The following ZNF83 variants were observed in gnomAD, a reference collection of about 807,000 sequenced individuals.
ZNF83 encodes the protein zinc finger protein 83.
For synonymous variants in ZNF83, 209 were observed against 213.0 expected, an observed-to-expected ratio of 0.98 and a Z score of 0.17; for missense variants, 552 against 629.9, an observed-to-expected ratio of 0.88 and a Z score of 1.32.
exon 1 of ZNF83, chr19:52,690,444 G>T: frequency 5.4e-6 from 1 of 184,536 alleles, no homozygotes; most frequent in South Asian, 8.4e-5. Flanking sequence ...GAAACTCACC[G>T]CCGCGGTGTG....
chr19:52,665,949 A>T (rs376456443), intron 1 of ZNF83, among the ~76,000 whole-genome samples: 6 of 151,916 alleles, frequency 3.9e-5, no homozygotes, highest in African/African-American at 1.5e-4. Context: ...TCACGAGGTC[A>T]GGAGATTGAG....
intron 2 of ZNF83, among the ~76,000 whole-genome samples, chr19:52,627,916 TC>T (rs1270416119): frequency 5.3e-5 from 8 of 152,118 alleles, no homozygotes; most frequent in South Asian, 2.1e-4. Context: ...AATGGCCTGT[TC>T]CTGCCTTAAC....
chr19:52,678,939 C>T (rs1002109922), intron 1 of ZNF83, among the ~76,000 whole-genome samples: 3 of 150,068 alleles, frequency 2.0e-5, no homozygotes, highest in African/African-American at 7.4e-5. Context: ...CACACAACTG[C>T]CTCCACCCTG....
chr19:52,670,832 A>C (rs565569135), intron 1 of ZNF83, among the ~76,000 whole-genome samples: 25 of 152,294 alleles, frequency 1.6e-4, no homozygotes, highest in African/African-American at 4.8e-4. Context: ...AAATTTAAAC[A>C]TTTTCTGATT....
intron 3 of ZNF83, among the ~76,000 whole-genome samples, chr19:52,648,647 G>A (rs930627661): frequency 1.6e-4 from 25 of 152,072 alleles, no homozygotes; most frequent in African/African-American, 6.0e-4. Context: ...CTGTAATCTT[G>A]TTCAGTCCCG....
intron 2 of ZNF83, chr19:52,616,790 C>G (rs536780311): frequency 6.6e-6 from 1 of 152,306 alleles, no homozygotes; most frequent in South Asian, 2.1e-4. Context: ...TGGTGGTGAG[C>G]CGAGATTGTG....
At chr19:52,654,223 C>A in intron 3 of ZNF83, 1 of 1,584,712 alleles carries the variant, frequency 6.3e-7, no homozygotes. Flanking sequence ...TGCTTCATGG[C>A]CATTTCTTTT....
chr19:52,673,345 A>T (rs1393361370), intron 1 of ZNF83, among the ~76,000 whole-genome samples: 5 of 152,180 alleles, frequency 3.3e-5, no homozygotes, highest in African/African-American at 9.7e-5. Flanking sequence ...TCTCTAAAAA[A>T]ATACAAAATT....
chr19:52,652,859 T>C lies in ZNF83; in HGVS notation c.-74+2702A>G. ...CTATGATGGCATACAAAGGATGACATATGACTGAAGGTCTTGCCACACTCA... is the reference window on the plus strand; with the variant it reads ...CTATGATGGCATACAAAGGATGACACATGACTGAAGGTCTTGCCACACTCA... On this transcript the variant is annotated intron_variant, in intron 3 of 5. Coordinates refer to the ZNF83 transcript ENST00000594682. 6.0e-6 allele frequency: 6 copies of C among 991,960 alleles called. No individual in the cohort carries two copies. The South Asian group carries it at 7.7e-5, about 13-fold the overall frequency. The allele number at this position is 991,960 out of a possible 1,614,324, so 61.4% of individuals were successfully genotyped here.
chr19:52,616,379 T>A (rs770980097), intron 2 of ZNF83, among the ~76,000 whole-genome samples: 1 of 152,208 alleles, frequency 6.6e-6, no homozygotes, highest in Non-Finnish European at 1.5e-5. Flanking sequence ...ACTGGGTATA[T>A]ACCCAAAGGA....
chr19:52,643,268 C>A (rs557458476), upstream of ZNF83, among the ~76,000 whole-genome samples: 1 of 151,200 alleles, frequency 6.6e-6, no homozygotes, highest in South Asian at 2.1e-4. Flanking sequence ...GCACAAAAAT[C>A]GCTTGAACCC....
intron 2 of ZNF83, among the ~76,000 whole-genome samples, chr19:52,621,225 C>T (rs1030838675): frequency 6.6e-6 from 1 of 152,228 alleles, no homozygotes; most frequent in Non-Finnish European, 1.5e-5. Flanking sequence ...GCCCAAGGAA[C>T]GTCTCACCAA....
At chr19:52,613,371 C>A in exon 3 of ZNF83, 1 of 1,613,676 alleles carries the variant, frequency 6.2e-7, no homozygotes, top group Non-Finnish European at 8.5e-7. Context: ...TGTAAGGTTT[C>A]TCTCCAGTAT....
intron 1 of ZNF83, among the ~76,000 whole-genome samples, chr19:52,677,173 C>A (rs2061828134): frequency 2.0e-5 from 3 of 149,614 alleles, no homozygotes; most frequent in South Asian, 4.3e-4. Context: ...AAGATACAAT[C>A]AAAAAAACAA....
At chr19:52,676,726 C>T (rs921247376) in intron 1 of ZNF83, among the ~76,000 whole-genome samples, 10 of 139,032 alleles carry the variant, frequency 7.2e-5, no homozygotes, top group East Asian at 6.0e-4. Context: ...CGGATGGTTG[C>T]CGTGTCTGTG....
intron 2 of ZNF83, among the ~76,000 whole-genome samples, chr19:52,656,115 A>T (rs1018488484): frequency 6.6e-6 from 1 of 152,112 alleles, no homozygotes; most frequent in Non-Finnish European, 1.5e-5. Context: ...TGGGAGGCTG[A>T]GGTAGGAGTA....
At chr19:52,684,400 T>C (rs1248960422) in intron 1 of ZNF83, among the ~76,000 whole-genome samples, 1 of 151,182 alleles carries the variant, frequency 6.6e-6, no homozygotes, top group East Asian at 1.9e-4. Context: ...AATACAAAAA[T>C]TAACCAGGTG....
chr19:52,635,106 C>A lies in ZNF83; in HGVS notation c.-274G>T. ...TCCTGACGCCTTTGCTTTCCTCTTC[C>A]CCTTCCGGGTTTCTTCCTCATGTAC... is the stretch of plus-strand genomic sequence containing the variant. On this transcript the variant is annotated 5_prime_UTR_variant, in exon 2 of 3. The change creates a premature stop within an existing upstream ORF in the 5' untranslated region. Coordinates refer to ENST00000301096, the Ensembl canonical transcript of ZNF83. 1.4e-6 allele frequency: 1 copy of A among 695,194 alleles called. No homozygotes were observed. The highest frequency in any genetic ancestry group is 2.6e-6 in the Non-Finnish European group (1 of 386,940). The allele number at this position is 695,194 out of a possible 1,614,324, so 43.1% of individuals were successfully genotyped here. A position where few individuals can be genotyped will look rare whatever the true frequency, so the allele number is the denominator to read the frequency against.
chr19:52,687,981 C>G (rs1044202543), intron 1 of ZNF83, among the ~76,000 whole-genome samples: 1 of 151,944 alleles, frequency 6.6e-6, no homozygotes, highest in Non-Finnish European at 1.5e-5. Flanking sequence ...GGGATTCCAA[C>G]TGGAAGCTAA....
Sources: gnomAD v4.1 joint callset for allele counts (sites outside exome capture counted in the v4.1 genomes callset) on GRCh38, gnomAD v4.1.1 for gene constraint, MANE v1.5 for transcripts, NCBI Gene and HGNC (gene_info 2026-07-23, HGNC 2026-07-21) for gene names.